Variants in MGLL observed in about 807,000 individuals in gnomAD.
MGLL encodes the protein monoglyceride lipase.
MGLL carries 7 observed loss-of-function variants against 29.1 expected under a neutral mutation model. That is an observed-to-expected ratio of 0.24 (90% CI 0.14 to 0.45). The LOEUF is 0.45. Among genes scored for constraint, MGLL ranks in the 20% least tolerant of loss-of-function variants. The probability of loss-of-function intolerance (pLI) is 0.99; values close to 1 mark genes in which losing one functional copy is unlikely to be tolerated. For synonymous variants in MGLL, 148 were observed against 168.3 expected, an observed-to-expected ratio of 0.88 and a Z score of 0.93; for missense variants, 356 against 413.6, an observed-to-expected ratio of 0.86 and a Z score of 1.21.
At chr3:127,751,335 C>A (rs1425633234) in intron 3 of MGLL, among the ~76,000 whole-genome samples, 1 of 151,758 alleles carries the variant, frequency 6.6e-6, no homozygotes, top group Admixed American at 6.6e-5. Context: ...CTCGGACCAA[C>A]ACAATGCAGC....
intron 2 of MGLL, among the ~76,000 whole-genome samples, chr3:127,818,849 CA>C (rs2077807968): frequency 6.6e-6 from 1 of 152,150 alleles, no homozygotes; most frequent in Non-Finnish European, 1.5e-5. Context: ...AAAATGAGGT[CA>C]TGTGTGCACA....
intron 7 of MGLL, 32 bp from the exon 8 acceptor site, chr3:127,692,355 G>T (rs910789614): frequency 1.2e-6 from 2 of 1,613,516 alleles, no homozygotes; most frequent in African/African-American, 2.7e-5. Flanking sequence ...AATCAGAGCT[G>T]CACCATCAGA....
At chr3:127,724,175 C>G (rs984563551) in intron 3 of MGLL, among the ~76,000 whole-genome samples, 11 of 152,160 alleles carry the variant, frequency 7.2e-5, no homozygotes, top group Non-Finnish European at 1.0e-4. Flanking sequence ...CCCTGGCAAA[C>G]TCATACTAGC....
chr3:127,819,825 C>T (rs1044526382), intron 2 of MGLL, among the ~76,000 whole-genome samples: 3 of 152,092 alleles, frequency 2.0e-5, no homozygotes, highest in African/African-American at 7.2e-5. Flanking sequence ...CTGGCACAAA[C>T]CTCTGCCCTG....
chr3:127,740,452 T>C (rs1003839978), intron 3 of MGLL, among the ~76,000 whole-genome samples: 6 of 152,198 alleles, frequency 3.9e-5, no homozygotes, highest in African/African-American at 1.4e-4. Context: ...TTTTAAAAAG[T>C]CTGAGTGGAC....
At position 127,795,075 on chromosome 3, in the gene MGLL, G is replaced by A. The variant is rs1030992748; in HGVS notation, c.156-13180C>T. On this transcript the variant is annotated intron_variant, in intron 2 of 7. Coordinates refer to ENST00000265052, the MANE Select transcript of MGLL (RefSeq NM_007283.7). Reference sequence around the variant, plus strand: ...TTCTACCAAAAAGACACCTCCACTCGTATGTTCATCACAGCAATATTCATG... The same window carrying A: ...TTCTACCAAAAAGACACCTCCACTCATATGTTCATCACAGCAATATTCATG... 8.5e-5 allele frequency among the ~76,000 whole-genome samples: 13 copies of A among 152,126 alleles called. No individual in the cohort carries two copies. The South Asian group carries it at 1.4e-3, about 17-fold the overall frequency.
At chr3:127,792,355 T>C (rs994407139) in intron 2 of MGLL, among the ~76,000 whole-genome samples, 4 of 152,184 alleles carry the variant, frequency 2.6e-5, no homozygotes, top group African/African-American at 9.7e-5. Context: ...CCTGCCTTGT[T>C]ATTTGAGAAA....
Position 127,761,523 on chromosome 3 carries a change from A to G in MGLL, c.262+20266T>C, listed in dbSNP as rs1281297458. Among the ~76,000 whole-genome samples the G allele has an allele frequency of 1.3e-5, 2 of 152,244 alleles. No individual in the cohort carries two copies. Among genetic ancestry groups the G allele is most frequent in the Non-Finnish European group, 2.9e-5 (2 of 68,044 alleles). ...AGGCCACTTCTGCACTGCCTGGACC[A>G]GAGACTGCAAACTGCCCTTCAAGCT... On this transcript the variant is annotated intron_variant, in intron 3 of 7. Coordinates refer to ENST00000265052, the MANE Select transcript of MGLL (RefSeq NM_007283.7). This position sits in a 1 kb window ranked among gnomAD's most constrained non-coding sequence, Gnocchi z 4.6.
At chr3:127,760,033 G>A (rs748008010) in intron 3 of MGLL, among the ~76,000 whole-genome samples, 41 of 152,224 alleles carry the variant, frequency 2.7e-4, no homozygotes, top group Non-Finnish European at 5.3e-4. Context: ...GGTTTTCTGC[G>A]TTGGAGAAAG....
intron 2 of MGLL, among the ~76,000 whole-genome samples, chr3:127,783,472 C>A (rs867823319): frequency 6.6e-6 from 1 of 152,166 alleles, no homozygotes; most frequent in Non-Finnish European, 1.5e-5. Flanking sequence ...GAGGACTGGA[C>A]CCCAGAGCTG....
intron 6 of MGLL, among the ~76,000 whole-genome samples, chr3:127,696,067 G>A (rs2075355380): frequency 6.6e-6 from 1 of 152,210 alleles, no homozygotes. Flanking sequence ...TCTGGCTGGG[G>A]TGGGCTCGGC....
intron 2 of MGLL, among the ~76,000 whole-genome samples, chr3:127,809,675 AC>A (rs1395862751): frequency 6.6e-6 from 1 of 151,780 alleles, no homozygotes; most frequent in Non-Finnish European, 1.5e-5. Flanking sequence ...ATCCCTGAGG[AC>A]AAAAATCAGC....
chr3:127,757,869 C>T (rs188660134), intron 3 of MGLL, among the ~76,000 whole-genome samples: 42 of 152,330 alleles, frequency 2.8e-4, no homozygotes, highest in Non-Finnish European at 4.3e-4. Flanking sequence ...CGGGAAGAAA[C>T]GCACACTTGC....
chr3:127,781,726 A>G, intron 3 of MGLL, 63 bp downstream of exon 3: 2 of 1,355,036 alleles, frequency 1.5e-6, no homozygotes, highest in Non-Finnish European at 1.1e-6. Context: ...GAGATGGACT[A>G]GAGAGGGAGA....
chr3:127,759,470 CCT>C (rs2076725022), intron 3 of MGLL, among the ~76,000 whole-genome samples: 1 of 152,190 alleles, frequency 6.6e-6, no homozygotes, highest in Non-Finnish European at 1.5e-5. Context: ...GGTGGGTGTG[CCT>C]CTCTTCTGAA....
At chr3:127,721,725 C>T (rs1416136446) in intron 4 of MGLL, among the ~76,000 whole-genome samples, 1 of 152,076 alleles carries the variant, frequency 6.6e-6, no homozygotes, top group Non-Finnish European at 1.5e-5. Context: ...GCTCACGGGG[C>T]TGGGCAGGTA....
In MGLL at chr3:127,726,119, GGAAAGAAAGAAAGAAAGAAA is replaced by G. The variant is rs869029966; in HGVS notation, c.263-3573_263-3554del. The stretch of plus-strand genomic sequence containing the variant: ...AAACAGAAGAAAGAGAAAGAAAGCA[GGAAAGAAAGAAAGAAAGAAA>G]GAAAGAAAGAAAGAAAGAAAGAAAG... On this transcript the variant is annotated intron_variant, in intron 3 of 7. Transcript: ENST00000265052. 2.8e-4 allele frequency among the ~76,000 whole-genome samples: 21 copies of G among 75,150 alleles called. 1 individual carries two copies. Among genetic ancestry groups the G allele is most frequent in the East Asian group, 1.5e-3 (4 of 2,668 alleles). The allele number at this position is 75,150 out of a possible 152,430, so 49.3% of individuals were successfully genotyped here.
chr3:127,759,186 A>G (rs1034594107), intron 3 of MGLL, among the ~76,000 whole-genome samples: 15 of 152,066 alleles, frequency 9.9e-5, no homozygotes, highest in Admixed American at 9.2e-4. Context: ...CGGTCTCCCA[A>G]AGTGCTGGGA....
At position 127,726,136 on chromosome 3, in the gene MGLL, GA is replaced by G. The variant is rs1443610441; in HGVS notation, c.263-3571del. On this transcript the variant is annotated intron_variant, in intron 3 of 7. Coordinates refer to ENST00000265052, the MANE Select transcript of MGLL (RefSeq NM_007283.7). ...AGAAAGCAGGAAAGAAAGAAAGAAA[GA>G]AAGAAAGAAAGAAAGAAAGAAAGAA... Among the ~76,000 whole-genome samples, 21 of 21,548 alleles carry G rather than the reference GA, an allele frequency of 9.7e-4. No homozygotes were observed. The East Asian group carries it at 0.016, about 16-fold the overall frequency. The allele number at this position is 21,548 out of a possible 152,430, so 14.1% of individuals were successfully genotyped here. A position where few individuals can be genotyped will look rare whatever the true frequency, so the allele number is the denominator to read the frequency against.
Sources: gnomAD v4.1 joint callset for allele counts (sites outside exome capture counted in the v4.1 genomes callset) on GRCh38, gnomAD v4.1.1 for gene constraint, Gnocchi (gnomAD v3.1) non-coding constraint, MANE v1.5 for transcripts, NCBI Gene and HGNC (gene_info 2026-07-23, HGNC 2026-07-21) for gene names.